Variants in ABI2 observed in about 807,000 individuals in gnomAD.
ABI2 encodes the protein abl interactor 2, also known as abelson interactor 2.
A neutral mutation model predicts 59.2 loss-of-function variants in ABI2; 25 were observed. The ratio of observed to expected loss-of-function variants is 0.42; its 90% CI spans 0.31 to 0.59. The LOEUF is 0.59. Ranked by LOEUF, ABI2 falls within the 20% of genes least tolerant of loss-of-function variation. ABI2 has a pLI of 0.14. For synonymous variants in ABI2, 213 were observed against 235.5 expected (o/e 0.90, Z 0.87); for missense variants, 545 against 681.8 (o/e 0.80, Z 2.23).
intron 10 of ABI2, among the ~76,000 whole-genome samples, chr2:203,416,562 C>T (rs1186918532): frequency 6.6e-6 from 1 of 152,178 alleles, no homozygotes; most frequent in African/African-American, 2.4e-5. Context: ...TCCCAAAGTG[C>T]TGGGATTACA....
At chr2:203,385,906 T>G (rs529288498) in intron 4 of ABI2, among the ~76,000 whole-genome samples, 1 of 152,360 alleles carries the variant, frequency 6.6e-6, no homozygotes, top group African/African-American at 2.4e-5. Flanking sequence ...TTATGTTCCC[T>G]TATTCTCTGT....
chr2:203,361,511 AT>A, intron 1 of ABI2, among the ~76,000 whole-genome samples: 1 of 151,868 alleles, frequency 6.6e-6, no homozygotes, highest in East Asian at 1.9e-4. Context: ...GCTGCACTGA[AT>A]TTTTTCTTGG....
chr2:203,362,606 A>T (rs1003868205), intron 1 of ABI2, among the ~76,000 whole-genome samples: 1 of 151,734 alleles, frequency 6.6e-6, no homozygotes, highest in African/African-American at 2.4e-5. Context: ...GGCTCACTGC[A>T]ACCTCTGTCT....
Position 203,427,168 on chromosome 2 carries a change from C to A in ABI2, c.1454-9C>A. The A allele has an allele frequency of 6.2e-7, 1 of 1,610,378 alleles. No individual in the cohort carries two copies. Among genetic ancestry groups the A allele is most frequent in the South Asian group, 1.1e-5 (1 of 90,558 alleles). Reference sequence around the variant, plus strand: ...CTTTCACATCCTGTTTTGTTTTCTTCCCTCCTAGTTGTGGCAATTTATGAC... The same window carrying A: ...CTTTCACATCCTGTTTTGTTTTCTTACCTCCTAGTTGTGGCAATTTATGAC... On this transcript the variant is annotated splice_polypyrimidine_tract_variant and intron_variant, in intron 11 of 11. Transcript: ENST00000261018.
chr2:203,370,513 T>C (rs1180820101), intron 2 of ABI2, among the ~76,000 whole-genome samples: 1 of 152,254 alleles, frequency 6.6e-6, no homozygotes, highest in Non-Finnish European at 1.5e-5. Context: ...AAAACTATTC[T>C]TAGCTTCTGG....
chr2:203,382,747 C>CG (rs1284027707), intron 4 of ABI2, among the ~76,000 whole-genome samples: 1 of 151,012 alleles, frequency 6.6e-6, no homozygotes, highest in Non-Finnish European at 1.5e-5. Flanking sequence ...TTCAGTGACA[C>CG]GGGTTTTTTT....
intron 3 of ABI2, among the ~76,000 whole-genome samples, chr2:203,381,003 G>A (rs781721868): frequency 3.9e-4 from 59 of 152,276 alleles, no homozygotes; most frequent in Non-Finnish European, 7.1e-4. Context: ...AGCTTTAGCT[G>A]AGTATTAATT....
intron 10 of ABI2, 91 bp downstream of exon 10, chr2:203,411,462 ATACTTCAACATTTCAAT>A: frequency 1.1e-6 from 1 of 950,086 alleles, no homozygotes; most frequent in Non-Finnish European, 1.6e-6. Context: ...TCATTTGCTG[ATACTTCAACATTTCAAT>A]ATTATGAACA....
intron 2 of ABI2, among the ~76,000 whole-genome samples, chr2:203,378,671 C>T (rs979243837): frequency 2.6e-5 from 4 of 152,104 alleles, no homozygotes; most frequent in Non-Finnish European, 5.9e-5. Context: ...TATCTTTTCA[C>T]TGTTACTACC....
chr2:203,365,848 C>G (rs1416919466), intron 1 of ABI2, among the ~76,000 whole-genome samples: 1 of 151,930 alleles, frequency 6.6e-6, no homozygotes, highest in East Asian at 1.9e-4. Context: ...CCAGGATGGT[C>G]TCAATCTCCT....
chr2:203,346,108 C>T (rs955834463), intron 1 of ABI2, among the ~76,000 whole-genome samples: 3 of 151,442 alleles, frequency 2.0e-5, no homozygotes, highest in African/African-American at 7.3e-5. Context: ...GGAGATCATG[C>T]CATTCACTCC....
At chr2:203,408,119 CT>C (rs1188243155) in intron 9 of ABI2, among the ~76,000 whole-genome samples, 3 of 151,516 alleles carry the variant, frequency 2.0e-5, no homozygotes, top group Non-Finnish European at 4.4e-5. Flanking sequence ...CCAAGTCATT[CT>C]TTTAAGGAAG....
intron 11 of ABI2, 70 bp downstream of exon 11, chr2:203,417,151 A>G (rs948053925): frequency 7.6e-7 from 1 of 1,316,068 alleles, no homozygotes. Context: ...TGCGGTACTG[A>G]AGAGAATCTT....
rs991930008 is a variant in ABI2, at chr2:203,431,428, G to A, written c.*4076G>A. On this transcript the variant is annotated 3_prime_UTR_variant, in exon 12 of 12. Transcript: ENST00000261018. ...CCATGTTTTGGTAAATACCATCAGAGTTGTGTAAAGGCGTGTACTAAGTGC... is the reference window on the plus strand; with the variant it reads ...CCATGTTTTGGTAAATACCATCAGAATTGTGTAAAGGCGTGTACTAAGTGC... 1 of 152,622 alleles carries A rather than the reference G, an allele frequency of 6.6e-6. No homozygotes were observed. The highest frequency in any genetic ancestry group is 6.5e-5 in the Admixed American group (1 of 15,278). The allele number at this position is 152,622 out of a possible 1,614,324, so 9.5% of individuals were successfully genotyped here. A position where few individuals can be genotyped will look rare whatever the true frequency, so the allele number is the denominator to read the frequency against.
intron 1 of ABI2, chr2:203,328,906 C>A: frequency 7.2e-6 from 2 of 276,966 alleles, no homozygotes; most frequent in Non-Finnish European, 1.3e-5. Flanking sequence ...CGGCCGCCCC[C>A]GCACTCCGCG....
intron 1 of ABI2, among the ~76,000 whole-genome samples, chr2:203,358,852 C>A (rs1372542557): frequency 6.6e-6 from 1 of 152,204 alleles, no homozygotes; most frequent in East Asian, 1.9e-4. Context: ...TCTACTAAAA[C>A]AAACCACAAA....
At chr2:203,358,229 A>G (rs2092704470) in intron 1 of ABI2, among the ~76,000 whole-genome samples, 1 of 151,634 alleles carries the variant, frequency 6.6e-6, no homozygotes, top group South Asian at 2.1e-4. Context: ...TCCTGGGCTC[A>G]AGTGATCCTC....
At chr2:203,347,990 C>T (rs1287911003) in intron 1 of ABI2, among the ~76,000 whole-genome samples, 1 of 152,084 alleles carries the variant, frequency 6.6e-6, no homozygotes, top group Admixed American at 6.6e-5. Context: ...CCTATAATCC[C>T]AGCACTTTGG....
At chr2:203,350,010 A>G (rs1160190741) in intron 1 of ABI2, among the ~76,000 whole-genome samples, 2 of 151,966 alleles carry the variant, frequency 1.3e-5, no homozygotes, top group African/African-American at 4.8e-5. Context: ...TTCCATTTCC[A>G]CCATCAGTGT....
Sources: allele counts gnomAD v4.1 joint callset (sites outside exome capture counted in the v4.1 genomes callset), GRCh38; gene constraint gnomAD v4.1.1; transcripts MANE v1.5; gene names NCBI Gene and HGNC (gene_info 2026-07-23, HGNC 2026-07-21).